The following NRXN3 variants were observed in gnomAD, a reference collection of about 807,000 sequenced individuals.
NRXN3 encodes neurexin III.
A neutral mutation model predicts 137.6 loss-of-function variants in NRXN3; 32 were observed. That is an observed-to-expected ratio of 0.23 (90% confidence interval 0.18 to 0.31). The LOEUF is 0.31. NRXN3 is among the 10% of genes least tolerant of loss of function. The pLI is 1.00. For missense variants in NRXN3, 1,574 were observed against 2,062.5 expected (o/e 0.76, Z 4.59); for synonymous variants, 798 against 784.5 (o/e 1.02, Z -0.29).
chr14:78,241,923 A>G (rs1215696418), intron 1 of NRXN3, among the ~76,000 whole-genome samples: 1 of 152,082 alleles, frequency 6.6e-6, no homozygotes, highest in Non-Finnish European at 1.5e-5. Context: ...TTCTTTCACA[A>G]ATTTAGGGGT....
intron 18 of NRXN3, among the ~76,000 whole-genome samples, chr14:79,692,529 A>G (rs1356500959): frequency 6.6e-6 from 1 of 152,082 alleles, no homozygotes; most frequent in East Asian, 1.9e-4. Flanking sequence ...AACTTCTAAA[A>G]CAGAAATGTA....
rs981442524 is a variant in NRXN3 at position 79,780,200 on chromosome 14, T to C, written c.4015-24912T>C. The stretch of plus-strand genomic sequence containing the variant: ...CACAGATGCTTTTTTGAGGAGGTAA[T>C]TATTTGTTTGTTGTGTCCTTGCTAT... On this transcript the variant is annotated intron_variant, in intron 19 of 20. Transcript: ENST00000335750. Among the ~76,000 whole-genome samples, 10 of 152,150 alleles carry C rather than the reference T, an allele frequency of 6.6e-5. No individual in the cohort carries two copies. In the East Asian group the frequency reaches 1.9e-3, roughly 29 times the overall value.
chr14:78,494,516 A>T (rs2095736067), intron 4 of NRXN3, among the ~76,000 whole-genome samples: 1 of 150,940 alleles, frequency 6.6e-6, no homozygotes, highest in African/African-American at 2.4e-5. Flanking sequence ...TTCACAAATG[A>T]ATGGTCTCGC....
intron 4 of NRXN3, among the ~76,000 whole-genome samples, chr14:78,396,015 T>C (rs72681524): frequency 0.019 from 2,939 of 152,188 alleles, 53 homozygotes; most frequent in Non-Finnish European, 0.029. Flanking sequence ...AAGTCTACTA[T>C]TTCATTGTTT....
intron 4 of NRXN3, among the ~76,000 whole-genome samples, chr14:78,438,223 A>G (rs1388655602): frequency 6.6e-6 from 1 of 152,240 alleles, no homozygotes. Flanking sequence ...CAAGATGGAC[A>G]AGGAATTTTG....
At chr14:79,731,410 T>C (rs2098922142) in intron 19 of NRXN3, among the ~76,000 whole-genome samples, 1 of 152,200 alleles carries the variant, frequency 6.6e-6, no homozygotes, top group Admixed American at 6.5e-5. Context: ...TGGTAAATAA[T>C]AAAACATTCT....
At chr14:79,741,829 C>G (rs1603458894) in intron 19 of NRXN3, among the ~76,000 whole-genome samples, 5 of 149,110 alleles carry the variant, frequency 3.4e-5, no homozygotes, top group African/African-American at 1.0e-4. Flanking sequence ...CACACACACA[C>G]AGAGTATGTA....
At chr14:78,455,061 A>G (rs534692712) in intron 4 of NRXN3, among the ~76,000 whole-genome samples, 11 of 152,190 alleles carry the variant, frequency 7.2e-5, no homozygotes, top group Non-Finnish European at 1.0e-4. Context: ...TTTGAAGACA[A>G]AAGCCCAAGG....
chr14:78,723,382 TACAC>T (rs2098469017), intron 8 of NRXN3, among the ~76,000 whole-genome samples: 1 of 152,204 alleles, frequency 6.6e-6, no homozygotes, highest in Non-Finnish European at 1.5e-5. Flanking sequence ...AGTAATCAAT[TACAC>T]ACAGCTAAAG....
chr14:78,520,746 GA>G (rs2096273227), intron 4 of NRXN3, among the ~76,000 whole-genome samples: 1 of 152,178 alleles, frequency 6.6e-6, no homozygotes, highest in African/African-American at 2.4e-5. Context: ...GTTTGAAAGT[GA>G]TGCAGTTGGG....
chr14:78,559,485 CA>C (rs954238022), intron 4 of NRXN3, among the ~76,000 whole-genome samples: 40 of 152,234 alleles, frequency 2.6e-4, no homozygotes, highest in African/African-American at 9.2e-4. Flanking sequence ...TGGCCCTGAG[CA>C]AAAATTGCTT....
chr14:78,749,668 T>A (rs1046045415), intron 8 of NRXN3, among the ~76,000 whole-genome samples: 6 of 152,228 alleles, frequency 3.9e-5, no homozygotes, highest in African/African-American at 1.4e-4. Flanking sequence ...TCTTTGGGAA[T>A]AGAGAAATGG....
At chr14:78,920,781 A>G (rs1440367975) in intron 10 of NRXN3, among the ~76,000 whole-genome samples, 1 of 152,156 alleles carries the variant, frequency 6.6e-6, no homozygotes, top group East Asian at 1.9e-4. Context: ...TTATTGGTTT[A>G]TTATAAAGGA....
intron 4 of NRXN3, among the ~76,000 whole-genome samples, chr14:78,466,182 AACAG>A (rs544649787): frequency 2.6e-4 from 39 of 152,320 alleles, no homozygotes; most frequent in African/African-American, 8.4e-4. Context: ...CTACAAAACA[AACAG>A]ACAAACAACA....
chr14:79,278,974 T>C (rs2080777247), intron 15 of NRXN3, among the ~76,000 whole-genome samples: 1 of 152,206 alleles, frequency 6.6e-6, no homozygotes, highest in Non-Finnish European at 1.5e-5. Flanking sequence ...TTTATTTCTA[T>C]TTGGAGCTAC....
At chr14:78,711,569 T>C (rs547443614) in intron 7 of NRXN3, among the ~76,000 whole-genome samples, 1 of 151,586 alleles carries the variant, frequency 6.6e-6, no homozygotes, top group East Asian at 2.0e-4. Flanking sequence ...ACCTCCCAAG[T>C]AGCTGGGATT....
At chr14:79,079,660 T>G (rs1170865760) in intron 15 of NRXN3, among the ~76,000 whole-genome samples, 2 of 152,304 alleles carry the variant, frequency 1.3e-5, no homozygotes, top group African/African-American at 4.8e-5. Context: ...TTTTACTCTT[T>G]GGAAGACGTG....
At chr14:79,097,056 C>G (rs1355970044) in intron 15 of NRXN3, among the ~76,000 whole-genome samples, 1 of 143,284 alleles carries the variant, frequency 7.0e-6, no homozygotes, top group Non-Finnish European at 1.5e-5. Flanking sequence ...CCTGGAATTT[C>G]TTCAATATAG....
chr14:78,187,347 A>C (rs2060317656), intron 1 of NRXN3, among the ~76,000 whole-genome samples: 2 of 151,814 alleles, frequency 1.3e-5, no homozygotes, highest in South Asian at 4.2e-4. Flanking sequence ...GGGGTCACTC[A>C]TGCAGACTTG....
Sources: allele counts gnomAD v4.1 joint callset (sites outside exome capture counted in the v4.1 genomes callset), GRCh38; gene constraint gnomAD v4.1.1; transcripts MANE v1.5; gene names NCBI Gene and HGNC (gene_info 2026-07-23, HGNC 2026-07-21).